The following CPT1C variants were observed in gnomAD, a reference collection of about 807,000 sequenced individuals.
CPT1C encodes carnitine palmitoyltransferase 1C, also known as palmitoyl thioesterase CPT1C.
Under a neutral mutation model 97.3 loss-of-function variants are expected in CPT1C, and 61 were observed. The ratio of observed to expected loss-of-function variants is 0.63; its 90% CI spans 0.51 to 0.78. The LOEUF is 0.78. Among genes scored for constraint, CPT1C ranks in the 30% least tolerant of loss-of-function variants. CPT1C has a pLI of 0.00. For missense variants in CPT1C, 975 were observed against 1,065.5 expected (o/e 0.92, Z 1.18); for synonymous variants, 469 against 447.2 (o/e 1.05, Z -0.61).
In CPT1C at chr19:49,711,802, A is replaced by G. The variant is rs1408050741; in HGVS notation, c.1867-7A>G. ...TCCATGACCTGTGACCTCCCTGGGG[A>G]CTGCAGGACCCACAGTGCCTCGCCC... On this transcript the variant is annotated splice_polypyrimidine_tract_variant and splice_region_variant and intron_variant, in intron 16 of 19. Transcript: ENST00000598293. 1 of 1,605,128 alleles carries G rather than the reference A, an allele frequency of 6.2e-7. No homozygotes were observed. The highest frequency in any genetic ancestry group is 1.1e-5 in the South Asian group (1 of 90,672).
chr19:49,707,884 T>C (rs1345504636), intron 13 of CPT1C, among the ~76,000 whole-genome samples: 1 of 150,502 alleles, frequency 6.6e-6, no homozygotes, highest in East Asian at 2.0e-4. Flanking sequence ...GTGCCTGTAA[T>C]CCCTGCTACT....
In CPT1C at chr19:49,706,685, C is replaced by T. The variant is rs2083518268; in HGVS notation, c.1343+272C>T. Among the ~76,000 whole-genome samples, 1 of 152,048 alleles carries T rather than the reference C, an allele frequency of 6.6e-6. No homozygotes were observed. The highest frequency in any genetic ancestry group is 1.5e-5 in the Non-Finnish European group (1 of 68,004). Reference sequence around the variant, plus strand: ...TCCCAAACCCCTGAGCTGGACCCTCCGACCCAGAGAACTCAGCATCACAGA... The same window carrying T: ...TCCCAAACCCCTGAGCTGGACCCTCTGACCCAGAGAACTCAGCATCACAGA... On this transcript the variant is annotated intron_variant, in intron 12 of 19. Coordinates refer to ENST00000598293, the MANE Select transcript of CPT1C (RefSeq NM_001199753.2). This position sits in a 1 kb window ranked among gnomAD's most constrained non-coding sequence, Gnocchi z 4.8.
chr19:49,703,694 G>A (rs866506465), intron 7 of CPT1C, among the ~76,000 whole-genome samples: 51 of 150,600 alleles, frequency 3.4e-4, no homozygotes, highest in Admixed American at 2.5e-3. Context: ...GTGCAGTGGC[G>A]TGATCAAAGC....
chr19:49,712,702 C>T, intron 17 of CPT1C, 34 bp from the exon 18 acceptor site: 1 of 1,483,344 alleles, frequency 6.7e-7, no homozygotes, highest in Non-Finnish European at 9.4e-7. Context: ...CTGCAGATCT[C>T]TGTCCTGCAC....
upstream of CPT1C, chr19:49,690,752 G>A (rs1052624726): frequency 1.3e-5 from 5 of 394,962 alleles, no homozygotes; most frequent in African/African-American, 2.1e-5. This position sits in a 1 kb window ranked among gnomAD's most constrained non-coding sequence, Gnocchi z 4.4. Context: ...GGGTGGTTTT[G>A]GCGGGCCGTC....
chr19:49,699,411 C>T (rs1174332330), intron 4 of CPT1C, among the ~76,000 whole-genome samples: 1 of 121,924 alleles, frequency 8.2e-6, no homozygotes, highest in Admixed American at 1.1e-4. Flanking sequence ...GAGGCTTGAG[C>T]TCAGGAGTTG....
intron 4 of CPT1C, among the ~76,000 whole-genome samples, chr19:49,700,270 A>T (rs1218367013): frequency 6.6e-6 from 1 of 151,784 alleles, no homozygotes; most frequent in East Asian, 1.9e-4. Context: ...AACAAAAAAA[A>T]AAACGCTGAT....
rs1476254998 is a variant in CPT1C at position 49,706,404 on chromosome 19, G to A, written c.1334G>A (p.Gly445Asp). The stretch of plus-strand genomic sequence containing the variant: ...GCCCATGCTCTGCTGGCCGGCCGGG[G>A]CCATGATCGGTGAGTGAGTCTTGGG... Reference protein sequence around the residue: ...AYAHALLAGRGHDRWFDKSFT... With the variant: ...AYAHALLAGRDHDRWFDKSFT... The change falls in exon 12 of 20, where the codon GGC (glycine) becomes GAC (aspartate). Residue 445 changes from glycine to aspartate, a missense_variant. Around this residue, in one of 3 missense-constraint regions of CPT1C, gnomAD observed 596 missense variants for 603.1 expected, o/e 0.99. Coordinates refer to ENST00000598293, the MANE Select transcript of CPT1C (RefSeq NM_001199753.2). The surrounding 1 kb of genome is among the most constrained non-coding windows in gnomAD (Gnocchi z 4.8). 3 of 1,485,234 alleles carry A rather than the reference G, an allele frequency of 2.0e-6. No homozygotes were observed. The highest frequency in any genetic ancestry group is 2.8e-5 in the Admixed American group (1 of 35,978). The allele number at this position is 1,485,234 out of a possible 1,614,324, so 92.0% of individuals were successfully genotyped here. A position where few individuals can be genotyped will look rare whatever the true frequency, so the allele number is the denominator to read the frequency against.
intron 3 of CPT1C, among the ~76,000 whole-genome samples, chr19:49,695,185 C>T (rs2082595625): frequency 6.6e-6 from 1 of 151,606 alleles, no homozygotes; most frequent in Non-Finnish European, 1.5e-5. Context: ...TGTTTAAATA[C>T]ATACATACAT....
chr19:49,694,066 A>G (rs1445136079), intron 3 of CPT1C, among the ~76,000 whole-genome samples: 1 of 137,116 alleles, frequency 7.3e-6, no homozygotes, highest in African/African-American at 2.7e-5. Context: ...CTCCGTCTCA[A>G]AAAAAAATAA....
intron 3 of CPT1C, 118 bp from the exon 4 acceptor site, chr19:49,697,208 T>C (rs1056045540): frequency 4.2e-5 from 54 of 1,298,534 alleles, no homozygotes; most frequent in Non-Finnish European, 5.9e-5. Flanking sequence ...CCCTACTAGA[T>C]CTTGAGCCTC....
At chr19:49,712,667 A>T (rs1262885734) in intron 17 of CPT1C, 69 bp from the exon 18 acceptor site, 5 of 1,133,916 alleles carry the variant, frequency 4.4e-6, no homozygotes, top group Non-Finnish European at 6.7e-6. Context: ...GGATGCAGGG[A>T]GTGAAGTGGA....
In CPT1C at chr19:49,706,022, C is replaced by G; in HGVS notation, c.1078C>G (p.Gln360Glu). 1 of 1,614,044 alleles carries G rather than the reference C, an allele frequency of 6.2e-7. No individual in the cohort carries two copies. The highest frequency in any genetic ancestry group is 8.5e-7 in the Non-Finnish European group (1 of 1,179,990). The change falls in exon 11 of 20, where the codon CAG becomes GAG. Residue 360 changes from glutamine to glutamate, a missense_variant. Coordinates refer to ENST00000598293, the MANE Select transcript of CPT1C (RefSeq NM_001199753.2). This position sits in a 1 kb window ranked among gnomAD's most constrained non-coding sequence, Gnocchi z 4.8. ...CCTGCTTTCCCCGAGAGCCCTGGAG[C>G]AGCAGTTTCAGAGAATCCTGGATGA... Reference protein sequence around the residue: ...NSLLSPRALEQQFQRILDDPS... With the variant: ...NSLLSPRALEEQFQRILDDPS...
chr19:49,692,465 T>G, intron 3 of CPT1C, 72 bp downstream of exon 3: 1 of 1,565,166 alleles, frequency 6.4e-7, no homozygotes, highest in Non-Finnish European at 8.7e-7. Context: ...GAGGCTCACT[T>G]CCGGCATTTC....
chr19:49,700,060 A>T (rs572635757), intron 4 of CPT1C, among the ~76,000 whole-genome samples: 1 of 151,192 alleles, frequency 6.6e-6, no homozygotes, highest in South Asian at 2.1e-4. Flanking sequence ...ATCATGGCTA[A>T]CACGGTGAAA....
chr19:49,699,577 A>G (rs2082879134), intron 4 of CPT1C, among the ~76,000 whole-genome samples: 1 of 151,922 alleles, frequency 6.6e-6, no homozygotes, highest in African/African-American at 2.4e-5. Context: ...AAACTTTGCA[A>G]ACAAACATGT....
At chr19:49,699,563 T>C (rs2082878643) in intron 4 of CPT1C, among the ~76,000 whole-genome samples, 1 of 151,560 alleles carries the variant, frequency 6.6e-6, no homozygotes, top group Non-Finnish European at 1.5e-5. Flanking sequence ...CAGGTGACAT[T>C]TGCAAACTTT....
Position 49,704,749 on chromosome 19 carries a change from C to T in CPT1C, c.733C>T (p.Arg245Ter), listed in dbSNP as rs754045165. The T allele has an allele frequency of 4.3e-6, 7 of 1,613,954 alleles. No individual in the cohort carries two copies. The highest frequency in any genetic ancestry group is 5.1e-6 in the Non-Finnish European group (6 of 1,180,024). Residue 245 changes from arginine (R) to a stop codon, truncating the protein, a stop_gained, in exon 8 of 20, where the codon CGA (arginine) becomes TGA (stop). Transcript: ENST00000598293. LOFTEE classifies it high-confidence loss of function. ...GGAGGAATTTGTGTACCTGCGCTCCCGAAATCCGCTGATGGTGAACAGCAA... is the reference window on the plus strand; with the variant it reads ...GGAGGAATTTGTGTACCTGCGCTCCTGAAATCCGCTGATGGTGAACAGCAA... ...WWEEFVYLRS[R>*]NPLMVNSNYY...
chr19:49,710,332 A>G lies in CPT1C; in HGVS notation c.1579A>G (p.Ile527Val), dbSNP rs781649671. ...WDLPDQIHSS[I>V]SLALRGAKIL... ...CCTCCTCTGGCAGATCCACTCCTCC[A>G]TCTCTCTAGCCCTGAGGGGAGCCAA... Residue 527 changes from isoleucine to valine, a missense_variant, in exon 15 of 20, where the codon ATC becomes GTC. Transcript: ENST00000598293. 4.3e-6 allele frequency: 7 copies of G among 1,613,898 alleles called. No homozygotes were observed. In the Admixed American group the frequency reaches 6.7e-5, roughly 15 times the overall value.
Sources: gnomAD v4.1 joint callset for allele counts (sites outside exome capture counted in the v4.1 genomes callset) on GRCh38, gnomAD v4.1.1 for gene constraint, gnomAD v4.1.1 regional missense constraint, Gnocchi (gnomAD v3.1) non-coding constraint, MANE v1.5 for transcripts, NCBI Gene and HGNC (gene_info 2026-07-23, HGNC 2026-07-21) for gene names.